SMYD3: variants seen among roughly 807,000 people sequenced by gnomAD.
The protein encoded by SMYD3 is SET and MYND domain containing 3.
In SMYD3, 36 loss-of-function variants were observed where a neutral mutation model predicts 57.7. The ratio of observed to expected loss-of-function variants is 0.62; its 90% CI spans 0.48 to 0.82. The LOEUF (loss-of-function observed/expected upper bound fraction) is 0.82. SMYD3 is among the 40% of genes least tolerant of loss of function. The pLI is 0.00. For synonymous variants in SMYD3, 211 were observed against 195.0 expected (o/e 1.08, Z -0.68); for missense variants, 515 against 538.8 (o/e 0.96, Z 0.44).
At chr1:245,953,383 C>G (rs1375036161) in intron 5 of SMYD3, 2 of 970,558 alleles carry the variant, frequency 2.1e-6, no homozygotes, top group Non-Finnish European at 2.5e-6. Context: ...TGAGAAAAAG[C>G]AAACATAAAG....
chr1:245,795,107 C>G (rs1335871334), intron 10 of SMYD3, among the ~76,000 whole-genome samples: 1 of 152,154 alleles, frequency 6.6e-6, no homozygotes, highest in South Asian at 2.1e-4. Context: ...ATCCTACCCC[C>G]ACAAGTGCCT....
At chr1:246,311,582 C>G (rs772721269) in intron 5 of SMYD3, among the ~76,000 whole-genome samples, 12 of 152,242 alleles carry the variant, frequency 7.9e-5, no homozygotes, top group Non-Finnish European at 1.5e-4. Context: ...CAGGTAGAAG[C>G]TCATTAGCCT....
intron 10 of SMYD3, among the ~76,000 whole-genome samples, chr1:245,789,403 A>T (rs1422737274): frequency 6.6e-6 from 1 of 152,192 alleles, no homozygotes; most frequent in Non-Finnish European, 1.5e-5. Flanking sequence ...AATAGTCTGC[A>T]ATACGGCAAG....
intron 5 of SMYD3, among the ~76,000 whole-genome samples, chr1:246,197,655 C>T (rs2062846398): frequency 2.0e-5 from 3 of 152,096 alleles, no homozygotes; most frequent in African/African-American, 7.2e-5. Context: ...ACGTGGTATC[C>T]TGTGTGGCAT....
intron 1 of SMYD3, among the ~76,000 whole-genome samples, chr1:246,457,583 A>G (rs1286887324): frequency 6.6e-6 from 1 of 151,894 alleles, no homozygotes; most frequent in Non-Finnish European, 1.5e-5. Flanking sequence ...AGAAAAAGAA[A>G]AAGAAAAGAA....
chr1:246,085,173 C>T (rs570277935), intron 5 of SMYD3, among the ~76,000 whole-genome samples: 1 of 152,226 alleles, frequency 6.6e-6, no homozygotes, highest in Admixed American at 6.5e-5. Flanking sequence ...GAAGTATTTC[C>T]AGTGTGATTT....
At chr1:245,785,740 AC>A (rs2148158833) in intron 10 of SMYD3, among the ~76,000 whole-genome samples, 1 of 152,296 alleles carries the variant, frequency 6.6e-6, no homozygotes, top group Non-Finnish European at 1.5e-5. Context: ...TTGCTCTGCC[AC>A]CGGCTGCAGT....
chr1:245,976,188 CCAGGGAAAGCCA>C (rs2058419059), intron 5 of SMYD3, among the ~76,000 whole-genome samples: 1 of 49,568 alleles, frequency 2.0e-5, no homozygotes, highest in East Asian at 4.4e-4. Flanking sequence ...CGTCTCCGGC[CCAGGGAAAGCCA>C]TCGTCTCCGG....
intron 5 of SMYD3, among the ~76,000 whole-genome samples, chr1:246,027,498 A>G (rs2059596514): frequency 6.6e-6 from 1 of 152,186 alleles, no homozygotes; most frequent in Admixed American, 6.5e-5. Context: ...AAAATCCTAC[A>G]GCCCTTAAGA....
intron 5 of SMYD3, among the ~76,000 whole-genome samples, chr1:246,039,207 A>G (rs1267897595): frequency 6.6e-6 from 1 of 152,230 alleles, no homozygotes; most frequent in Non-Finnish European, 1.5e-5. Flanking sequence ...CTCTTGTTGA[A>G]TTACAAAAAT....
chr1:246,158,991 T>C (rs1314306861), intron 5 of SMYD3, among the ~76,000 whole-genome samples: 1 of 152,058 alleles, frequency 6.6e-6, no homozygotes, highest in African/African-American at 2.4e-5. Context: ...CAGATAATGT[T>C]CATGATGTGG....
Position 245,926,755 on chromosome 1 carries a change from G to A in SMYD3, c.702+1176C>T, listed in dbSNP as rs374708402. Among the ~76,000 whole-genome samples the A allele has an allele frequency of 7.2e-5, 11 of 152,164 alleles. 3 individuals are homozygous for A. The highest frequency in any genetic ancestry group is 5.9e-4 in the Admixed American group (9 of 15,302). ...TTGTTTTTTAATTTGCAAAAACATCGTCATCATCGACAACAGCAGCAGCCG... is the reference window on the plus strand; with the variant it reads ...TTGTTTTTTAATTTGCAAAAACATCATCATCATCGACAACAGCAGCAGCCG... On this transcript the variant is annotated intron_variant, in intron 7 of 11. Coordinates refer to ENST00000490107, the MANE Select transcript of SMYD3 (RefSeq NM_001167740.2).
intron 1 of SMYD3, among the ~76,000 whole-genome samples, chr1:246,363,855 C>T (rs1392012745): frequency 6.6e-6 from 1 of 151,974 alleles, no homozygotes; most frequent in African/African-American, 2.4e-5. Context: ...CTGACCTTCC[C>T]TCCACTATTG....
chr1:245,919,391 C>T (rs1400555792), intron 7 of SMYD3, among the ~76,000 whole-genome samples: 2 of 152,146 alleles, frequency 1.3e-5, no homozygotes, highest in Admixed American at 6.5e-5. Flanking sequence ...TGTGTCTGGG[C>T]ATCACTGGCT....
At chr1:246,159,327 G>A (rs562547752) in intron 5 of SMYD3, among the ~76,000 whole-genome samples, 3 of 152,022 alleles carry the variant, frequency 2.0e-5, no homozygotes, top group African/African-American at 7.2e-5. Context: ...CTCACCGGGG[G>A]CTGCTCTACT....
At chr1:246,298,199 T>C (rs1274528293) in intron 5 of SMYD3, among the ~76,000 whole-genome samples, 2 of 151,116 alleles carry the variant, frequency 1.3e-5, no homozygotes, top group Non-Finnish European at 2.9e-5. Flanking sequence ...AGGGGAAACA[T>C]TCATAAAGAG....
Position 246,380,035 on chromosome 1 carries a change from A to G in SMYD3, c.165-24941T>C, listed in dbSNP as rs139609957. On this transcript the variant is annotated intron_variant, in intron 1 of 11. Coordinates refer to ENST00000490107, the MANE Select transcript of SMYD3 (RefSeq NM_001167740.2). ...AAAAAAAAAGAAAGAAAGAAAGAAA[A>G]AAAAAAGTTCTGAAAAGTCAACGTC... Among the ~76,000 whole-genome samples, 616 of 152,050 alleles carry G rather than the reference A, an allele frequency of 4.1e-3. 2 individuals are homozygous for G. Among genetic ancestry groups the G allele is most frequent in the African/African-American group, 0.013 (539 of 41,508 alleles).
intron 5 of SMYD3, among the ~76,000 whole-genome samples, chr1:246,169,389 A>AC (rs2062283350): frequency 6.7e-6 from 1 of 149,506 alleles, no homozygotes; most frequent in African/African-American, 2.5e-5. Context: ...TTCAAAAAAA[A>AC]AAAAAAAAAA....
Position 246,101,153 on chromosome 1 carries a change from GT to G in SMYD3, c.532-171217del, listed in dbSNP as rs561344336. Among the ~76,000 whole-genome samples the G allele has an allele frequency of 8.0e-4, 112 of 140,752 alleles. 1 individual carries two copies. Among genetic ancestry groups the G allele is most frequent in the African/African-American group, 3.0e-3 (111 of 36,732 alleles). The allele number at this position is 140,752 out of a possible 152,430, so 92.3% of individuals were successfully genotyped here. A position where few individuals can be genotyped will look rare whatever the true frequency, so the allele number is the denominator to read the frequency against. ...AGTTCTGTCCACAGTTACCTGAGAT[GT>G]TAGGGTTAGTTGAGCTTAAAATAGA... On this transcript the variant is annotated intron_variant, in intron 5 of 11. Transcript: ENST00000490107.
Sources: gnomAD v4.1 joint callset for allele counts (sites outside exome capture counted in the v4.1 genomes callset) on GRCh38, gnomAD v4.1.1 for gene constraint, MANE v1.5 for transcripts, NCBI Gene and HGNC (gene_info 2026-07-23, HGNC 2026-07-21) for gene names.